PSIP1: variants seen among roughly 807,000 people sequenced by gnomAD.
PSIP1 encodes PC4 and SRSF1 interacting protein 1.
In PSIP1, 19 loss-of-function variants were observed where a neutral mutation model predicts 74.7. That is an observed-to-expected ratio of 0.25 (90% CI 0.18 to 0.37). PSIP1 has a LOEUF of 0.37. Ranked by LOEUF, PSIP1 falls within the 10% of genes least tolerant of loss-of-function variation. PSIP1 has a pLI of 1.00. For missense variants in PSIP1, 601 were observed against 614.3 expected (o/e 0.98, Z 0.23); for synonymous variants, 222 against 195.3 (o/e 1.14, Z -1.14).
rs538912937 is a variant in PSIP1, at chr9:15,500,182, T to C, written c.149+6379A>G. 3.9e-5 allele frequency among the ~76,000 whole-genome samples: 6 copies of C among 152,234 alleles called. No homozygotes were observed. The South Asian group carries it at 1.0e-3, about 26-fold the overall frequency. Reference sequence around the variant, plus strand: ...GAACCTGCTGGTAAAGAGAGATCAATAGGGCTGGGCGTGGTGGCTCACGCC... The same window carrying C: ...GAACCTGCTGGTAAAGAGAGATCAACAGGGCTGGGCGTGGTGGCTCACGCC... On this transcript the variant is annotated intron_variant, in intron 3 of 15. Transcript: ENST00000380733.
At chr9:15,495,637 C>G (rs1055668406) in intron 3 of PSIP1, among the ~76,000 whole-genome samples, 1 of 152,086 alleles carries the variant, frequency 6.6e-6, no homozygotes, top group African/African-American at 2.4e-5. Flanking sequence ...ATATGGAATG[C>G]GTCTATCTTC....
intron 6 of PSIP1, among the ~76,000 whole-genome samples, chr9:15,484,144 AAAAC>A (rs1261180718): frequency 2.6e-5 from 4 of 151,500 alleles, no homozygotes; most frequent in Admixed American, 2.6e-4. Context: ...AAAAAAAAAA[AAAAC>A]AAATTTATAT....
At chr9:15,507,579 A>C (rs763449268) in intron 2 of PSIP1, among the ~76,000 whole-genome samples, 3 of 152,296 alleles carry the variant, frequency 2.0e-5, no homozygotes, top group Non-Finnish European at 4.4e-5. Flanking sequence ...CAGAGGTTGC[A>C]GTGAGCCGAG....
chr9:15,472,833 A>G, intron 9 of PSIP1, 83 bp from the exon 10 acceptor site: 1 of 1,326,990 alleles, frequency 7.5e-7, no homozygotes. Flanking sequence ...GGGGAAAAGC[A>G]GCAGCTAGTT....
chr9:15,503,286 G>T (rs562790505), intron 3 of PSIP1, among the ~76,000 whole-genome samples: 1 of 152,024 alleles, frequency 6.6e-6, no homozygotes, highest in Non-Finnish European at 1.5e-5. Context: ...GGAATCACTT[G>T]TATCTCAGAG....
chr9:15,482,678 T>G (rs1002587758), intron 6 of PSIP1, among the ~76,000 whole-genome samples: 11 of 152,244 alleles, frequency 7.2e-5, no homozygotes, highest in African/African-American at 2.7e-4. Context: ...TGATCTTTCC[T>G]AATTTTGCAG....
intron 3 of PSIP1, among the ~76,000 whole-genome samples, chr9:15,500,444 C>T (rs1385137632): frequency 6.6e-6 from 1 of 151,664 alleles, no homozygotes; most frequent in Non-Finnish European, 1.5e-5. Context: ...GCACTCCAGC[C>T]TGGGAGACAG....
chr9:15,496,033 A>G (rs1023077705), intron 3 of PSIP1, among the ~76,000 whole-genome samples: 42 of 152,218 alleles, frequency 2.8e-4, no homozygotes, highest in African/African-American at 9.9e-4. Flanking sequence ...ATTAGGAGAC[A>G]GAGGCCAACT....
chr9:15,478,121 C>A (rs2036173650), intron 8 of PSIP1, among the ~76,000 whole-genome samples: 1 of 139,304 alleles, frequency 7.2e-6, no homozygotes, highest in South Asian at 2.3e-4. Flanking sequence ...AGTGAAACCC[C>A]ATCTTTAAAA....
intron 3 of PSIP1, among the ~76,000 whole-genome samples, chr9:15,498,827 C>T (rs1463432915): frequency 1.3e-5 from 2 of 151,998 alleles, no homozygotes; most frequent in Non-Finnish European, 2.9e-5. Context: ...ATACCAAATG[C>T]TTAACATGCA....
intron 3 of PSIP1, among the ~76,000 whole-genome samples, chr9:15,491,536 A>T (rs537070529): frequency 6.6e-6 from 1 of 152,308 alleles, no homozygotes; most frequent in South Asian, 2.1e-4. Flanking sequence ...AACGAGCCTC[A>T]ACTGTTTGCA....
intron 10 of PSIP1, chr9:15,471,455 C>T: frequency 7.1e-7 from 1 of 1,408,886 alleles, no homozygotes. Flanking sequence ...GGTTGGGCTA[C>T]ATATACTAGT....
chr9:15,479,451 T>C (rs374422744), intron 7 of PSIP1, 140 bp downstream of exon 7: 5 of 557,918 alleles, frequency 9.0e-6, no homozygotes, highest in African/African-American at 7.8e-5. Context: ...CAAATCATGT[T>C]TATCTCCTTT....
At chr9:15,467,346 T>G (rs1470313580) in intron 14 of PSIP1, among the ~76,000 whole-genome samples, 1 of 152,180 alleles carries the variant, frequency 6.6e-6, no homozygotes, top group Non-Finnish European at 1.5e-5. Flanking sequence ...TATTAATAAT[T>G]CTCTAAGGGG....
chr9:15,472,658 C>T lies in PSIP1; in HGVS notation c.951G>A (p.Lys317=), dbSNP rs752679747. The part of the protein sequence containing the change: ...HEKEAADRKR[K]QEEQMETEQQ... ...GCTCAGTTTCCATTTGTTCCTCTTG[C>T]TTGCGTTTTCGATCTGCTGCTTCTT... Residue 317 remains lysine (K), a synonymous_variant, in exon 10 of 16, where the codon AAG becomes AAA. Transcript: ENST00000380733. The T allele has an allele frequency of 6.2e-7, 1 of 1,604,274 alleles. No homozygotes were observed. The highest frequency in any genetic ancestry group is 8.5e-7 in the Non-Finnish European group (1 of 1,177,710).
rs2035480491 is a variant in PSIP1 at position 15,464,548 on chromosome 9, G to A, written c.*972C>T. The A allele has an allele frequency of 5.0e-6, 1 of 199,760 alleles. No homozygotes were observed. The highest frequency in any genetic ancestry group is 1.0e-5 in the Non-Finnish European group (1 of 97,088). The allele number at this position is 199,760 out of a possible 1,614,324, so 12.4% of individuals were successfully genotyped here. On this transcript the variant is annotated 3_prime_UTR_variant, in exon 16 of 16. Coordinates refer to ENST00000380733, the MANE Select transcript of PSIP1 (RefSeq NM_033222.5). ...CTAGTGTTTGTATTTTTGGAATCTA[G>A]AAAATAAAAACAATATAGCCATGAT...
intron 7 of PSIP1, 36 bp downstream of exon 7, chr9:15,479,555 C>T: frequency 6.6e-7 from 1 of 1,511,984 alleles, no homozygotes; most frequent in Non-Finnish European, 9.0e-7. Context: ...ATATTAATCA[C>T]AAGCCAAACA....
chr9:15,488,778 C>A (rs577351600), intron 4 of PSIP1, among the ~76,000 whole-genome samples: 2 of 151,696 alleles, frequency 1.3e-5, no homozygotes, highest in African/African-American at 4.8e-5. Flanking sequence ...TCCCAACACT[C>A]TGGGGGGCCG....
chr9:15,497,329 T>TTTATTTTTTTTTTTTTTTTTTTTA (rs1238487043), intron 3 of PSIP1, among the ~76,000 whole-genome samples: 8 of 144,900 alleles, frequency 5.5e-5, no homozygotes, highest in African/African-American at 2.2e-4. Flanking sequence ...TGATTCCTTT[T>TTTATTTTTTTTTTTTTTTTTTTTA]TTTTTTTTTT....
Sources: gnomAD v4.1 joint callset for allele counts (sites outside exome capture counted in the v4.1 genomes callset) on GRCh38, gnomAD v4.1.1 for gene constraint, MANE v1.5 for transcripts, NCBI Gene and HGNC (gene_info 2026-07-23, HGNC 2026-07-21) for gene names.